Variants in RXRA observed in about 807,000 individuals in gnomAD.
RXRA encodes the protein retinoic acid receptor RXR-alpha.
Under a neutral mutation model 44.5 loss-of-function variants are expected in RXRA, and 5 were observed. The ratio of observed to expected loss-of-function variants is 0.11; its 90% CI spans 0.06 to 0.24. The LOEUF (loss-of-function observed/expected upper bound fraction) is 0.24, where lower values mean the gene tolerates loss of function less well. Ranked by LOEUF, RXRA falls within the 10% of genes least tolerant of loss-of-function variation. RXRA has a pLI of 1.00. For synonymous variants in RXRA, 291 were observed against 271.4 expected (o/e 1.07, Z -0.71); for missense variants, 412 against 646.5 (o/e 0.64, Z 3.93).
chr9:134,329,548 G>C (rs891029650), intron 1 of RXRA, among the ~76,000 whole-genome samples: 45 of 152,322 alleles, frequency 3.0e-4, no homozygotes, highest in African/African-American at 1.1e-3. Context: ...GCCCAGATGT[G>C]GATGGGACGA....
chr9:134,432,329 G>A (rs1192477267), intron 8 of RXRA, among the ~76,000 whole-genome samples: 1 of 152,244 alleles, frequency 6.6e-6, no homozygotes, highest in Non-Finnish European at 1.5e-5. Context: ...AGCTGTGGTT[G>A]TGAACTTCCG....
At chr9:134,422,127 C>T in intron 6 of RXRA, 1 of 1,324,328 alleles carries the variant, frequency 7.6e-7, no homozygotes, top group Non-Finnish European at 9.9e-7. Context: ...TCCCGGGACA[C>T]TCCCCACTCC....
chr9:134,336,557 G>A (rs1044650947), intron 1 of RXRA, among the ~76,000 whole-genome samples: 13 of 152,294 alleles, frequency 8.5e-5, no homozygotes, highest in African/African-American at 2.9e-4. Context: ...GTGGCCGGCC[G>A]GAGCCTTGGT....
In RXRA at chr9:134,422,855, G is replaced by T. The variant is rs577731661; in HGVS notation, c.910+1050G>T. ...TTTGGGGGCTCTGGAGAGGGAGGCT[G>T]GCTGTGTTCCAGGGGCTGCCCAGGA... On this transcript the variant is annotated intron_variant, in intron 6 of 9. Transcript: ENST00000481739. 6 of 985,474 alleles carry T rather than the reference G, an allele frequency of 6.1e-6. No homozygotes were observed. The South Asian group carries it at 1.4e-4, about 23-fold the overall frequency. 61.0% of individuals were successfully genotyped at this position (985,474 alleles called of 1,614,324 possible). A position where few individuals can be genotyped will look rare whatever the true frequency, so the allele number is the denominator to read the frequency against.
At chr9:134,420,666 C>T (rs561614680) in intron 5 of RXRA, among the ~76,000 whole-genome samples, 8 of 152,374 alleles carry the variant, frequency 5.3e-5, no homozygotes, top group African/African-American at 1.9e-4. Flanking sequence ...TTGGCAGATG[C>T]CCTGAAGTGA....
At chr9:134,394,271 G>C (rs377273980) in intron 1 of RXRA, among the ~76,000 whole-genome samples, 1 of 151,904 alleles carries the variant, frequency 6.6e-6, no homozygotes, top group African/African-American at 2.4e-5. Flanking sequence ...CGGTGATGTT[G>C]ATGGCAGTGA....
At position 134,439,286 on chromosome 9, in the gene RXRA, G is replaced by A. The variant is rs1831687817; in HGVS notation, c.*2672G>A. 1 of 152,228 alleles carries A rather than the reference G, an allele frequency of 6.6e-6. No individual in the cohort carries two copies. The highest frequency in any genetic ancestry group is 2.4e-5 in the African/African-American group (1 of 41,448). The allele number at this position is 152,228 out of a possible 1,614,324, so 9.4% of individuals were successfully genotyped here. Reference sequence around the variant, plus strand: ...CCCACTTCCCAGTGGCTGCTTCCTGGGGACCCAGGGCACCCCGGCACCTTC... The same window carrying A: ...CCCACTTCCCAGTGGCTGCTTCCTGAGGACCCAGGGCACCCCGGCACCTTC... On this transcript the variant is annotated 3_prime_UTR_variant, in exon 10 of 10. Transcript: ENST00000481739.
chr9:134,413,217 G>T (rs1831178521), intron 4 of RXRA, among the ~76,000 whole-genome samples: 1 of 152,126 alleles, frequency 6.6e-6, no homozygotes, highest in Non-Finnish European at 1.5e-5. Context: ...AGAGTGCTGT[G>T]CGTGGCTGGT....
intron 1 of RXRA, among the ~76,000 whole-genome samples, chr9:134,335,040 C>T (rs1829975328): frequency 6.6e-6 from 1 of 152,186 alleles, no homozygotes; most frequent in East Asian, 1.9e-4. Context: ...GCTAGTCCTT[C>T]TCTCTTTGGG....
chr9:134,413,392 G>A (rs1214670737), intron 4 of RXRA, among the ~76,000 whole-genome samples: 2 of 151,468 alleles, frequency 1.3e-5, no homozygotes, highest in Non-Finnish European at 2.9e-5. Flanking sequence ...TTGTGTGCAC[G>A]TGTGTGTGCA....
chr9:134,335,684 C>T (rs1588247635), intron 1 of RXRA, among the ~76,000 whole-genome samples: 1 of 152,176 alleles, frequency 6.6e-6, no homozygotes, highest in African/African-American at 2.4e-5. Context: ...AGCCTGGCCG[C>T]CCCCAGCTGG....
At chr9:134,409,951 C>T (rs1245612903) in intron 4 of RXRA, among the ~76,000 whole-genome samples, 1 of 152,226 alleles carries the variant, frequency 6.6e-6, no homozygotes, top group Non-Finnish European at 1.5e-5. Context: ...TGAGGCCCAA[C>T]ACCTGTGTGG....
At position 134,417,978 on chromosome 9, in the gene RXRA, G is replaced by A. The variant is rs936107973; in HGVS notation, c.780+651G>A. On this transcript the variant is annotated intron_variant, in intron 5 of 9. Coordinates refer to ENST00000481739, the MANE Select transcript of RXRA (RefSeq NM_002957.6). This position sits in a 1 kb window ranked among gnomAD's most constrained non-coding sequence, Gnocchi z 6.1. ...GGGCTGGCTCCAGCTGGTCCTGGAG[G>A]TGTTGGATTCAAGACCCCCTGGCCT... Among the ~76,000 whole-genome samples, 4 of 152,118 alleles carry A rather than the reference G, an allele frequency of 2.6e-5. No individual in the cohort carries two copies. Among genetic ancestry groups the A allele is most frequent in the African/African-American group, 7.2e-5 (3 of 41,426 alleles).
chr9:134,333,614 G>A (rs1835042506), intron 1 of RXRA, among the ~76,000 whole-genome samples: 1 of 152,160 alleles, frequency 6.6e-6, no homozygotes, highest in Admixed American at 6.5e-5. Flanking sequence ...GGGTGCGGCC[G>A]CCGGCTGTAA....
intron 5 of RXRA, among the ~76,000 whole-genome samples, chr9:134,418,558 G>T (rs1319336559): frequency 6.6e-6 from 1 of 152,180 alleles, no homozygotes; most frequent in Non-Finnish European, 1.5e-5. Context: ...CAGGGCCTTC[G>T]TGCTTGCAGC....
chr9:134,385,337 A>G (rs1234899678), intron 1 of RXRA, among the ~76,000 whole-genome samples: 1 of 152,168 alleles, frequency 6.6e-6, no homozygotes, highest in Non-Finnish European at 1.5e-5. Flanking sequence ...GGCTGGAGGG[A>G]GGCTGGGAGC....
chr9:134,339,904 T>A, intron 1 of RXRA, among the ~76,000 whole-genome samples: 1 of 152,014 alleles, frequency 6.6e-6, no homozygotes, highest in Non-Finnish European at 1.5e-5. Context: ...CCTGTGTGTG[T>A]CTGTGTGTGA....
chr9:134,400,480 G>C (rs2119138678), intron 1 of RXRA, among the ~76,000 whole-genome samples: 1 of 152,362 alleles, frequency 6.6e-6, no homozygotes, highest in East Asian at 1.9e-4. Flanking sequence ...GAGGCCCAGA[G>C]AGGGAGAGTG....
chr9:134,422,823 G>A (rs1398982997), intron 6 of RXRA: 2 of 985,478 alleles, frequency 2.0e-6, no homozygotes, highest in Non-Finnish European at 2.4e-6. Context: ...TGGGCTGTCG[G>A]TGGAGGTTTG....
Sources: gnomAD v4.1 joint callset for allele counts (sites outside exome capture counted in the v4.1 genomes callset) on GRCh38, gnomAD v4.1.1 for gene constraint, Gnocchi (gnomAD v3.1) non-coding constraint, MANE v1.5 for transcripts, NCBI Gene and HGNC (gene_info 2026-07-23, HGNC 2026-07-21) for gene names.